Variants in ZC3H3 observed in about 807,000 individuals in gnomAD.
ZC3H3 encodes zinc finger CCCH domain-containing protein 3.
ZC3H3 carries 36 observed loss-of-function variants against 77.3 expected under a neutral mutation model. That is an observed-to-expected ratio of 0.47 (90% CI 0.36 to 0.61). The LOEUF (loss-of-function observed/expected upper bound fraction) is 0.61. Among genes scored for constraint, ZC3H3 ranks in the 20% least tolerant of loss-of-function variants. The pLI is 0.00. For synonymous variants in ZC3H3, 626 were observed against 555.2 expected (o/e 1.13, Z -1.79); for missense variants, 1,331 against 1,312.2 (o/e 1.01, Z -0.22).
Position 143,455,510 on chromosome 8 carries a change from AAAT to A in ZC3H3, c.2307+10204_2307+10206del, listed in dbSNP as rs138100981. The stretch of plus-strand genomic sequence containing the variant: ...AGCGAGACTCTGCCCCCCCTCCCCA[AAAT>A]AATAATAATAATATAATATTCTGAG... On this transcript the variant is annotated intron_variant, in intron 9 of 11. Coordinates refer to ENST00000262577, the MANE Select transcript of ZC3H3 (RefSeq NM_015117.3). 7.4e-3 allele frequency among the ~76,000 whole-genome samples: 1,132 copies of A among 151,956 alleles called. 10 individuals carry two copies. Among genetic ancestry groups the A allele is most frequent in the African/African-American group, 0.024 (980 of 41,450 alleles).
At chr8:143,504,804 G>T (rs1257326583) in intron 4 of ZC3H3, among the ~76,000 whole-genome samples, 1 of 152,164 alleles carries the variant, frequency 6.6e-6, no homozygotes, top group African/African-American at 2.4e-5. Context: ...CCGTCCCTTC[G>T]CAGAGCCTCT....
At chr8:143,486,518 C>G (rs543826332) in intron 4 of ZC3H3, among the ~76,000 whole-genome samples, 1 of 152,310 alleles carries the variant, frequency 6.6e-6, no homozygotes, top group East Asian at 1.9e-4. Flanking sequence ...CATTTAACCT[C>G]AATTACCTGT....
Position 143,437,842 on chromosome 8 carries a change from G to A in ZC3H3, c.*214C>T. Reference sequence around the variant, plus strand: ...CTGGCACCCTGGAAGGTGGTGGGGTGGGGACAGGGGCCTGGCTTGGGGGAG... The same window carrying A: ...CTGGCACCCTGGAAGGTGGTGGGGTAGGGACAGGGGCCTGGCTTGGGGGAG... On this transcript the variant is annotated 3_prime_UTR_variant, in exon 12 of 12. Transcript: ENST00000262577. The A allele has an allele frequency of 1.6e-6, 1 of 626,308 alleles. No individual in the cohort carries two copies. The highest frequency in any genetic ancestry group is 1.9e-5 in the South Asian group (1 of 53,128). 38.8% of individuals were successfully genotyped at this position (626,308 alleles called of 1,614,324 possible). A position where few individuals can be genotyped will look rare whatever the true frequency, so the allele number is the denominator to read the frequency against.
chr8:143,464,207 C>T (rs1167412689), intron 9 of ZC3H3, among the ~76,000 whole-genome samples: 4 of 152,270 alleles, frequency 2.6e-5, no homozygotes, highest in East Asian at 1.9e-4. Flanking sequence ...GGCGCGGACA[C>T]ACGGAAAGGC....
At chr8:143,451,776 T>A in intron 9 of ZC3H3, among the ~76,000 whole-genome samples, 1 of 139,974 alleles carries the variant, frequency 7.1e-6, no homozygotes, top group African/African-American at 2.7e-5. Context: ...AAAGTGAGAC[T>A]CTGCCTAAAA....
intron 3 of ZC3H3, among the ~76,000 whole-genome samples, chr8:143,523,186 C>T (rs1200498437): frequency 6.6e-6 from 1 of 152,228 alleles, no homozygotes; most frequent in African/African-American, 2.4e-5. Context: ...CCCTCGTCAA[C>T]CAGCACTCTG....
chr8:143,467,243 G>C (rs1410045832), intron 8 of ZC3H3, among the ~76,000 whole-genome samples: 1 of 152,160 alleles, frequency 6.6e-6, no homozygotes, highest in Non-Finnish European at 1.5e-5. Flanking sequence ...GCTCCTCTTG[G>C]CTGTCAGAGC....
At chr8:143,467,103 AG>A (rs1820429734) in intron 8 of ZC3H3, among the ~76,000 whole-genome samples, 1 of 151,738 alleles carries the variant, frequency 6.6e-6, no homozygotes, top group Admixed American at 6.6e-5. Flanking sequence ...CGCAGAGGGG[AG>A]AGGGGCTGGG....
intron 3 of ZC3H3, among the ~76,000 whole-genome samples, chr8:143,529,913 T>C (rs897394280): frequency 2.8e-4 from 42 of 152,168 alleles, no homozygotes; most frequent in Non-Finnish European, 4.6e-4. Flanking sequence ...TGGCACCTAG[T>C]GACACCAGCC....
intron 9 of ZC3H3, among the ~76,000 whole-genome samples, chr8:143,461,306 C>T (rs920287481): frequency 1.2e-4 from 19 of 152,156 alleles, no homozygotes; most frequent in Non-Finnish European, 2.4e-4. Flanking sequence ...CCCAGGGATA[C>T]GGCACGCCAC....
At chr8:143,520,527 G>C (rs1869440) in intron 3 of ZC3H3, among the ~76,000 whole-genome samples, 8,416 of 152,244 alleles carry the variant, frequency 0.055, 760 homozygotes, top group African/African-American at 0.19. Flanking sequence ...GGTCAGAGAT[G>C]TACCGCAGGG....
chr8:143,466,957 T>C, intron 8 of ZC3H3, among the ~76,000 whole-genome samples: 1 of 151,980 alleles, frequency 6.6e-6, no homozygotes, highest in East Asian at 1.9e-4. Flanking sequence ...GGAAAGGAAC[T>C]TGTCTAAGGC....
chr8:143,446,333 ACTT>A (rs1419449828), intron 9 of ZC3H3, among the ~76,000 whole-genome samples: 3 of 152,334 alleles, frequency 2.0e-5, no homozygotes, highest in African/African-American at 7.2e-5. Flanking sequence ...AAAATCAAGA[ACTT>A]CTGATTTTCA....
intron 1 of ZC3H3, among the ~76,000 whole-genome samples, chr8:143,539,693 CAG>C (rs1822945226): frequency 6.6e-6 from 1 of 152,168 alleles, no homozygotes; most frequent in Admixed American, 6.5e-5. Context: ...CTGTTTGAAT[CAG>C]AGGGGACAAG....
chr8:143,452,005 G>T (rs533627562), intron 9 of ZC3H3, among the ~76,000 whole-genome samples: 13 of 152,232 alleles, frequency 8.5e-5, no homozygotes, highest in African/African-American at 3.1e-4. Context: ...CCCCATCCAA[G>T]ACTTGGAGTC....
At chr8:143,475,991 A>G (rs1181938653) in intron 4 of ZC3H3, among the ~76,000 whole-genome samples, 2 of 152,182 alleles carry the variant, frequency 1.3e-5, no homozygotes, top group African/African-American at 2.4e-5. Context: ...CTGCAGGGTA[A>G]GGGTCCCTGG....
chr8:143,508,138 C>A (rs1486336114), intron 3 of ZC3H3, among the ~76,000 whole-genome samples: 1 of 152,256 alleles, frequency 6.6e-6, no homozygotes, highest in Admixed American at 6.5e-5. Context: ...GCCCCGCACA[C>A]CCTCCAGCCA....
At chr8:143,531,788 T>A (rs1455980814) in intron 3 of ZC3H3, among the ~76,000 whole-genome samples, 1 of 152,266 alleles carries the variant, frequency 6.6e-6, no homozygotes. Context: ...TGATCATTAG[T>A]AATTCAATTT....
At chr8:143,524,870 C>T (rs1295970006) in intron 3 of ZC3H3, among the ~76,000 whole-genome samples, 1 of 152,268 alleles carries the variant, frequency 6.6e-6, no homozygotes, top group Non-Finnish European at 1.5e-5. Context: ...GCTGTGCAGA[C>T]CAACCAGTGG....
Sources: allele counts gnomAD v4.1 joint callset (sites outside exome capture counted in the v4.1 genomes callset), GRCh38; gene constraint gnomAD v4.1.1; transcripts MANE v1.5; gene names NCBI Gene and HGNC (gene_info 2026-07-23, HGNC 2026-07-21).